The following AP3S1 variants were observed in gnomAD, a reference collection of about 807,000 sequenced individuals.
AP3S1 encodes the protein AP-3 complex subunit sigma-1.
In AP3S1, 12 loss-of-function variants were observed where a neutral mutation model predicts 21.3. That is an observed-to-expected ratio of 0.56 (90% CI 0.36 to 0.91). The LOEUF is 0.91. Ranked by LOEUF, AP3S1 falls within the 40% of genes least tolerant of loss-of-function variation. The pLI is 0.01. For synonymous variants in AP3S1, 48 were observed against 78.4 expected (o/e 0.61, Z 2.05); for missense variants, 116 against 225.0 (o/e 0.52, Z 3.10).
intron 4 of AP3S1, among the ~76,000 whole-genome samples, chr5:115,896,217 A>G (rs1244117871): frequency 6.6e-6 from 1 of 152,200 alleles, no homozygotes; most frequent in Non-Finnish European, 1.5e-5. Flanking sequence ...CAGCATCACA[A>G]TCAAAGTAGT....
chr5:115,860,086 C>G (rs964926781), intron 1 of AP3S1, among the ~76,000 whole-genome samples: 4 of 152,136 alleles, frequency 2.6e-5, no homozygotes, highest in Non-Finnish European at 5.9e-5. Flanking sequence ...AATCTATGTT[C>G]TTGTCTTTTC....
At chr5:115,846,369 C>T (rs965233574) in intron 1 of AP3S1, among the ~76,000 whole-genome samples, 4 of 152,082 alleles carry the variant, frequency 2.6e-5, no homozygotes, top group Non-Finnish European at 5.9e-5. Context: ...TTAGTTGTTT[C>T]TTCAGATATA....
At chr5:115,894,790 C>G (rs1313552160) in intron 3 of AP3S1, among the ~76,000 whole-genome samples, 4 of 152,074 alleles carry the variant, frequency 2.6e-5, no homozygotes, top group Non-Finnish European at 5.9e-5. Flanking sequence ...AATAAGGAGG[C>G]TTAGTTGAGT....
chr5:115,844,884 C>A (rs763649358), intron 1 of AP3S1, among the ~76,000 whole-genome samples: 14 of 152,160 alleles, frequency 9.2e-5, no homozygotes, highest in Non-Finnish European at 1.9e-4. Context: ...AGGAACGTAT[C>A]AGATTTTAGG....
chr5:115,851,239 C>G (rs1356045204), intron 1 of AP3S1, among the ~76,000 whole-genome samples: 1 of 152,146 alleles, frequency 6.6e-6, no homozygotes, highest in Non-Finnish European at 1.5e-5. Context: ...TCAGTGGAAA[C>G]TTGGGTTGCT....
Position 115,913,706 on chromosome 5 carries a change from T to A in AP3S1, c.*216T>A, listed in dbSNP as rs77119828. The A allele has an allele frequency of 3.5e-4, 1 of 2,858 alleles. No individual in the cohort carries two copies. Among genetic ancestry groups the A allele is most frequent in the African/African-American group, 0.011 (1 of 90 alleles). The allele number at this position is 2,858 out of a possible 1,614,324, so 0.2% of individuals were successfully genotyped here. ...AAGAAATTGAGTAGTTCCTATGTGA[T>A]TTTTTTTTTTCTTTTCTAAACTGCA... On this transcript the variant is annotated 3_prime_UTR_variant, in exon 6 of 6. Coordinates refer to ENST00000316788, the MANE Select transcript of AP3S1 (RefSeq NM_001284.4).
intron 1 of AP3S1, among the ~76,000 whole-genome samples, chr5:115,852,719 T>C (rs2112785592): frequency 6.6e-6 from 1 of 152,296 alleles, no homozygotes; most frequent in African/African-American, 2.4e-5. Context: ...CATGAAATAT[T>C]ACAGTCTTGT....
chr5:115,848,165 G>A (rs947312232), intron 1 of AP3S1, among the ~76,000 whole-genome samples: 2 of 152,094 alleles, frequency 1.3e-5, no homozygotes, highest in Non-Finnish European at 2.9e-5. Flanking sequence ...TAGCAAAGTT[G>A]TTTTCAATTT....
intron 3 of AP3S1, among the ~76,000 whole-genome samples, chr5:115,870,742 A>T (rs1021066339): frequency 5.9e-5 from 9 of 152,176 alleles, no homozygotes; most frequent in African/African-American, 2.2e-4. Context: ...ATTTAGTTAT[A>T]GTCATCACTC....
chr5:115,855,954 G>A (rs1762772275), intron 1 of AP3S1, among the ~76,000 whole-genome samples: 2 of 152,092 alleles, frequency 1.3e-5, no homozygotes, highest in Non-Finnish European at 2.9e-5. Context: ...GGGAAACGTA[G>A]GAAAAGAGAA....
chr5:115,865,576 T>A (rs549063270), intron 1 of AP3S1, among the ~76,000 whole-genome samples: 1 of 152,312 alleles, frequency 6.6e-6, no homozygotes, highest in East Asian at 1.9e-4. Flanking sequence ...AGATGAGAGT[T>A]TCTTTGGCTC....
At chr5:115,855,722 ATTTTAC>A (rs1215497168) in intron 1 of AP3S1, among the ~76,000 whole-genome samples, 2 of 152,196 alleles carry the variant, frequency 1.3e-5, no homozygotes, top group Non-Finnish European at 2.9e-5. Flanking sequence ...TGATATCTAT[ATTTTAC>A]TTCTTGTATT....
At chr5:115,849,514 A>G (rs954717536) in intron 1 of AP3S1, among the ~76,000 whole-genome samples, 1 of 152,200 alleles carries the variant, frequency 6.6e-6, no homozygotes, top group Non-Finnish European at 1.5e-5. Context: ...AAAGAGAACG[A>G]TGGGGACAGA....
chr5:115,848,667 A>G (rs200000160), intron 1 of AP3S1, among the ~76,000 whole-genome samples: 2 of 152,290 alleles, frequency 1.3e-5, no homozygotes, highest in East Asian at 3.9e-4. Context: ...CCTGTGGATT[A>G]TGGATTTTGT....
Position 115,841,956 on chromosome 5 carries a change from C to T in AP3S1, c.-82C>T, listed in dbSNP as rs796304723. On this transcript the variant is annotated 5_prime_UTR_variant, in exon 1 of 6. Transcript: ENST00000316788. Reference sequence around the variant, plus strand: ...CGGGAGGGGGCGGGTGGGGAAGGATCGCAGGCGAGATTACGAGGCGAGGCT... The same window carrying T: ...CGGGAGGGGGCGGGTGGGGAAGGATTGCAGGCGAGATTACGAGGCGAGGCT... The T allele has an allele frequency of 1.2e-5, 18 of 1,511,458 alleles. No homozygotes were observed. Among genetic ancestry groups the T allele is most frequent in the African/African-American group, 1.1e-4 (8 of 72,020 alleles). 93.6% of individuals were successfully genotyped at this position (1,511,458 alleles called of 1,614,324 possible).
chr5:115,883,029 A>G (rs987729592), intron 3 of AP3S1, among the ~76,000 whole-genome samples: 2 of 152,180 alleles, frequency 1.3e-5, no homozygotes, highest in Admixed American at 6.5e-5. Flanking sequence ...TCAAGTCTCA[A>G]TAATGGCAGA....
chr5:115,848,401 A>G (rs887995193), intron 1 of AP3S1, among the ~76,000 whole-genome samples: 1 of 152,230 alleles, frequency 6.6e-6, no homozygotes, highest in Non-Finnish European at 1.5e-5. Flanking sequence ...TTGTGGCTTT[A>G]AGATAACTGA....
At chr5:115,906,861 G>A in intron 5 of AP3S1, 1 of 1,512,942 alleles carries the variant, frequency 6.6e-7, no homozygotes. Context: ...AGGTAGACAA[G>A]GTATTGCTGA....
intron 5 of AP3S1, among the ~76,000 whole-genome samples, chr5:115,906,521 G>A (rs922385659): frequency 6.6e-6 from 1 of 152,100 alleles, no homozygotes; most frequent in Admixed American, 6.5e-5. Flanking sequence ...ATTCTATTTT[G>A]ATAGAAAAAT....
Sources: gnomAD v4.1 joint callset for allele counts (sites outside exome capture counted in the v4.1 genomes callset) on GRCh38, gnomAD v4.1.1 for gene constraint, MANE v1.5 for transcripts, NCBI Gene and HGNC (gene_info 2026-07-23, HGNC 2026-07-21) for gene names.